RBFOX1: variants seen among roughly 807,000 people sequenced by gnomAD.
RBFOX1 encodes RNA binding fox-1 homolog 1, also known as RNA binding protein fox-1 homolog 1.
In RBFOX1, 8 loss-of-function variants were observed where a neutral mutation model predicts 57.7. The observed-to-expected ratio is 0.14, with a 90% CI of 0.08 to 0.25. The LOEUF (loss-of-function observed/expected upper bound fraction) is 0.25, where lower values mean the gene tolerates loss of function less well. Ranked by LOEUF, RBFOX1 falls within the 10% of genes least tolerant of loss-of-function variation. The probability of loss-of-function intolerance (pLI) is 1.00; values close to 1 mark genes in which losing one functional copy is unlikely to be tolerated. For missense variants in RBFOX1, 611 were observed against 548.5 expected (o/e 1.11, Z -1.14); for synonymous variants, 326 against 222.4 (o/e 1.47, Z -4.15).
At chr16:6,895,956 G>C (rs561498247) in intron 3 of RBFOX1, among the ~76,000 whole-genome samples, 1 of 151,746 alleles carries the variant, frequency 6.6e-6, no homozygotes, top group South Asian at 2.1e-4. Flanking sequence ...ATATTTGTGG[G>C]GTACCAAAGA....
intron 1 of RBFOX1, among the ~76,000 whole-genome samples, chr16:5,262,051 A>G (rs2062748280): frequency 6.6e-6 from 1 of 152,260 alleles, no homozygotes; most frequent in South Asian, 2.1e-4. Flanking sequence ...TAATAAATAC[A>G]GTAAAAGAAA....
chr16:7,710,390 A>G, intron 15 of RBFOX1: 14 of 1,379,402 alleles, frequency 1.0e-5, no homozygotes, highest in Non-Finnish European at 1.3e-5. Flanking sequence ...CCTTTTAGCT[A>G]AGAGGACTGG....
intron 10 of RBFOX1, among the ~76,000 whole-genome samples, 197 bp downstream of exon 10, chr16:7,607,535 G>A (rs1440528752): frequency 6.6e-6 from 1 of 152,164 alleles, no homozygotes; most frequent in Non-Finnish European, 1.5e-5. Context: ...AAGTTTCATG[G>A]TTGGGGGATC....
intron 2 of RBFOX1, among the ~76,000 whole-genome samples, chr16:6,534,988 C>G (rs1035182474): frequency 1.3e-5 from 2 of 152,142 alleles, no homozygotes; most frequent in Non-Finnish European, 2.9e-5. Flanking sequence ...TCTGCAAATA[C>G]AAATGGTATT....
rs190677669 is a variant in RBFOX1, at chr16:7,482,780, A to C, written c.28-35367A>C. Among the ~76,000 whole-genome samples the C allele has an allele frequency of 6.7e-3, 1,022 of 151,798 alleles. 8 individuals are homozygous for C. Among genetic ancestry groups the C allele is most frequent in the Non-Finnish European group, 7.4e-3 (501 of 67,972 alleles). The stretch of plus-strand genomic sequence containing the variant: ...TGGATGTGCTGGTAAGCCCCTGCCT[A>C]CCCACCTCTATGTAAATGAGTCCTC... On this transcript the variant is annotated intron_variant, in intron 4 of 15. Transcript: ENST00000550418.
At chr16:7,036,975 G>C (rs1372440441) in intron 3 of RBFOX1, among the ~76,000 whole-genome samples, 1 of 152,102 alleles carries the variant, frequency 6.6e-6, no homozygotes, top group Non-Finnish European at 1.5e-5. Flanking sequence ...AGATCATACA[G>C]GGTAACTTCC....
rs142401411 is a variant in RBFOX1 at position 6,754,449 on chromosome 16, C to A, written c.-16+99799C>A. 2.0e-5 allele frequency among the ~76,000 whole-genome samples: 3 copies of A among 152,270 alleles called. No individual in the cohort carries two copies. In the East Asian group the frequency reaches 5.8e-4, roughly 29 times the overall value. ...GGTCGAAGATTCAGTGAATGAAGCT[C>A]TTTCCTTTTGTTTCTTCCACAATTT... is the stretch of plus-strand genomic sequence containing the variant. On this transcript the variant is annotated intron_variant, in intron 3 of 15. Transcript: ENST00000550418.
chr16:7,707,559 T>A (rs1402087910), intron 14 of RBFOX1, among the ~76,000 whole-genome samples: 1 of 152,114 alleles, frequency 6.6e-6, no homozygotes, highest in Non-Finnish European at 1.5e-5. Flanking sequence ...TCCCAGTGAG[T>A]GTCTGATGCA....
intron 3 of RBFOX1, among the ~76,000 whole-genome samples, chr16:5,748,860 G>A (rs919556055): frequency 3.3e-5 from 5 of 152,100 alleles, no homozygotes; most frequent in Non-Finnish European, 7.4e-5. Flanking sequence ...GGAGCATTTA[G>A]CCCATTGACA....
intron 4 of RBFOX1, among the ~76,000 whole-genome samples, chr16:7,281,645 G>A (rs1008002703): frequency 6.6e-6 from 1 of 152,054 alleles, no homozygotes; most frequent in African/African-American, 2.4e-5. Flanking sequence ...TTCTAGTCTA[G>A]ATGAGAAGAC....
intron 3 of RBFOX1, among the ~76,000 whole-genome samples, chr16:5,723,454 GGCTGAGTAGTCAGCCCACAGGCAA>G: frequency 1.1e-5 from 1 of 87,468 alleles, no homozygotes; most frequent in East Asian, 2.7e-3. Context: ...TTTGGTCTAA[GGCTGAGTAGTCAGCCCACAGGCAA>G]CTGTGGATTA....
intron 2 of RBFOX1, among the ~76,000 whole-genome samples, chr16:6,387,275 G>A (rs1490013983): frequency 1.3e-5 from 2 of 152,004 alleles, no homozygotes; most frequent in Non-Finnish European, 2.9e-5. Flanking sequence ...ATTTTCAATG[G>A]AGAAAAAAGA....
chr16:5,745,682 C>A (rs2052952749), intron 3 of RBFOX1, among the ~76,000 whole-genome samples: 1 of 152,064 alleles, frequency 6.6e-6, no homozygotes. Context: ...TTGCATTTCT[C>A]TGATGGCCAG....
intron 4 of RBFOX1, among the ~76,000 whole-genome samples, chr16:5,893,315 C>G (rs2058088411): frequency 1.3e-5 from 2 of 151,930 alleles, no homozygotes. Context: ...TGAATGGGCA[C>G]AAAAAATAGA....
chr16:7,701,795 C>A (rs1392152054), intron 14 of RBFOX1, among the ~76,000 whole-genome samples: 1 of 152,180 alleles, frequency 6.6e-6, no homozygotes, highest in Admixed American at 6.5e-5. Context: ...ATCTGAAGTC[C>A]AGAACTCAGT....
intron 4 of RBFOX1, among the ~76,000 whole-genome samples, chr16:7,357,939 T>C (rs189216379): frequency 2.0e-4 from 31 of 152,328 alleles, no homozygotes; most frequent in Admixed American, 1.8e-3. Flanking sequence ...TTTTTTACTT[T>C]TTACTGTCTC....
At chr16:5,820,203 G>C (rs1475337236) in intron 3 of RBFOX1, among the ~76,000 whole-genome samples, 1 of 152,146 alleles carries the variant, frequency 6.6e-6, no homozygotes, top group African/African-American at 2.4e-5. Flanking sequence ...ACTTGCCCCT[G>C]GTCCATACTC....
intron 3 of RBFOX1, among the ~76,000 whole-genome samples, chr16:6,935,557 A>G (rs1489089837): frequency 6.6e-6 from 1 of 152,198 alleles, no homozygotes; most frequent in Non-Finnish European, 1.5e-5. Context: ...TTTGCAGCCA[A>G]GATCTGTTAT....
rs148769871 is a variant in RBFOX1 at position 5,262,478 on chromosome 16, C to T, written c.219+22373C>T. Among the ~76,000 whole-genome samples the T allele has an allele frequency of 3.4e-3, 524 of 152,322 alleles. 6 individuals carry two copies. The highest frequency in any genetic ancestry group is 0.012 in the African/African-American group (505 of 41,570). ...ATATTTGAGCTGGGACATCAATCTT[C>T]TCCTGAGTTTAGATGTGGACTCGAG... On this transcript the variant is annotated intron_variant, in intron 1 of 2. Transcript: ENST00000585867.
Sources: allele counts gnomAD v4.1 joint callset (sites outside exome capture counted in the v4.1 genomes callset), GRCh38; gene constraint gnomAD v4.1.1; transcripts MANE v1.5; gene names NCBI Gene and HGNC (gene_info 2026-07-23, HGNC 2026-07-21).